Variants in ERG observed in about 807,000 individuals in gnomAD.
ERG encodes transcriptional regulator ERG.
A neutral mutation model predicts 55.3 loss-of-function variants in ERG; 9 were observed. The ratio of observed to expected loss-of-function variants is 0.16; its 90% CI spans 0.10 to 0.28. The LOEUF is 0.28. ERG is among the 10% of genes least tolerant of loss of function. The pLI is 1.00. For synonymous variants in ERG, 223 were observed against 237.3 expected, an observed-to-expected ratio of 0.94 and a Z score of 0.55; for missense variants, 434 against 631.6, an observed-to-expected ratio of 0.69 and a Z score of 3.35.
intron 2 of ERG, among the ~76,000 whole-genome samples, chr21:38,528,159 T>C (rs555915490): frequency 6.6e-6 from 1 of 152,202 alleles, no homozygotes; most frequent in African/African-American, 2.4e-5. Context: ...TCTCCTCATA[T>C]ACCTGTCTGT....
At chr21:38,621,937 G>A (rs1212769322) in intron 1 of ERG, among the ~76,000 whole-genome samples, 1 of 152,180 alleles carries the variant, frequency 6.6e-6, no homozygotes, top group African/African-American at 2.4e-5. Flanking sequence ...CACAAGGTGC[G>A]AAGTTACAGG....
chr21:38,422,583 CTGT>C (rs1440447700), intron 3 of ERG, among the ~76,000 whole-genome samples: 4 of 152,198 alleles, frequency 2.6e-5, no homozygotes, highest in Non-Finnish European at 5.9e-5. Flanking sequence ...GTGACTGTTG[CTGT>C]TGTTCTTATA....
intron 2 of ERG, among the ~76,000 whole-genome samples, chr21:38,507,460 A>C (rs2059471540): frequency 6.6e-6 from 1 of 152,262 alleles, no homozygotes; most frequent in South Asian, 2.1e-4. Flanking sequence ...CCCAGTGCTG[A>C]CACTGGGAGG....
intron 2 of ERG, among the ~76,000 whole-genome samples, chr21:38,550,325 AT>A (rs543940390): frequency 8.1e-4 from 124 of 152,260 alleles, no homozygotes; most frequent in African/African-American, 2.7e-3. Flanking sequence ...ATGGAGGCCC[AT>A]GAGATGTGTT....
chr21:38,452,958 T>C (rs747768698), intron 1 of ERG, among the ~76,000 whole-genome samples: 49 of 152,370 alleles, frequency 3.2e-4, no homozygotes, highest in Non-Finnish European at 6.3e-4. Flanking sequence ...TTGGTGTTCA[T>C]ATTAGCCCTA....
intron 1 of ERG, among the ~76,000 whole-genome samples, chr21:38,493,664 G>C (rs1389482576): frequency 6.6e-6 from 1 of 152,216 alleles, no homozygotes; most frequent in Admixed American, 6.5e-5. Context: ...CCCTCCTCCA[G>C]CAGCCTCGGC....
At chr21:38,602,260 T>C (rs8129444) in intron 1 of ERG, among the ~76,000 whole-genome samples, 11,185 of 151,780 alleles carry the variant, frequency 0.074, 786 homozygotes, top group African/African-American at 0.18. Context: ...CTGGCTAACA[T>C]GGTGAAACCC....
chr21:38,613,827 C>A (rs73908324), intron 1 of ERG, among the ~76,000 whole-genome samples: 12,613 of 152,158 alleles, frequency 0.083, 1,081 homozygotes, highest in African/African-American at 0.22. Flanking sequence ...GAAGGGGACC[C>A]CCCCAATACC....
intron 1 of ERG, among the ~76,000 whole-genome samples, chr21:38,457,547 CAG>C (rs1406112625): frequency 9.2e-5 from 14 of 152,216 alleles, no homozygotes. Flanking sequence ...GACGTGTACA[CAG>C]AGTCTAAACC....
At chr21:38,451,734 C>T (rs1025182017) in intron 1 of ERG, among the ~76,000 whole-genome samples, 4 of 152,194 alleles carry the variant, frequency 2.6e-5, no homozygotes, top group African/African-American at 9.7e-5. Context: ...TGCTCTCCCA[C>T]CATAAGCCTG....
intron 2 of ERG, among the ~76,000 whole-genome samples, chr21:38,438,514 T>C (rs907696972): frequency 6.6e-6 from 1 of 152,200 alleles, no homozygotes; most frequent in Non-Finnish European, 1.5e-5. Flanking sequence ...CTCCATCACA[T>C]GACAAATGGC....
At chr21:38,589,580 G>C (rs999100898), upstream of ERG, among the ~76,000 whole-genome samples, 4 of 152,150 alleles carry the variant, frequency 2.6e-5, no homozygotes, top group African/African-American at 9.7e-5. Flanking sequence ...TAACACTCGG[G>C]GAAGCGAGCT....
chr21:38,400,686 T>C (rs376554076), intron 5 of ERG, 41 bp from the exon 6 acceptor site: 1 of 1,512,192 alleles, frequency 6.6e-7, no homozygotes, highest in Non-Finnish European at 9.1e-7. Context: ...AGGTCTTTTG[T>C]TGTGGTTGTC....
intron 2 of ERG, among the ~76,000 whole-genome samples, chr21:38,569,946 A>T (rs1165795789): frequency 1.3e-5 from 2 of 152,154 alleles, no homozygotes; most frequent in Non-Finnish European, 2.9e-5. Flanking sequence ...ACTGCTGTAT[A>T]GTACTCCATT....
intron 1 of ERG, among the ~76,000 whole-genome samples, chr21:38,603,404 A>C (rs2060176616): frequency 6.6e-6 from 1 of 151,978 alleles, no homozygotes; most frequent in African/African-American, 2.4e-5. Context: ...GCAGATCACA[A>C]GGTCAAGAGA....
intron 1 of ERG, among the ~76,000 whole-genome samples, chr21:38,459,824 C>T (rs2059024456): frequency 6.6e-6 from 1 of 152,208 alleles, no homozygotes; most frequent in African/African-American, 2.4e-5. Flanking sequence ...GACCCAAAAC[C>T]ACAAAGACAC....
At chr21:38,484,236 A>AT (rs1251620933) in intron 1 of ERG, among the ~76,000 whole-genome samples, 12 of 152,158 alleles carry the variant, frequency 7.9e-5, no homozygotes, top group Non-Finnish European at 1.3e-4. Context: ...AAGTGCTGCA[A>AT]TTACATGTGT....
At chr21:38,401,701 T>A (rs1268728348) in intron 5 of ERG, among the ~76,000 whole-genome samples, 1 of 152,020 alleles carries the variant, frequency 6.6e-6, no homozygotes, top group Non-Finnish European at 1.5e-5. Flanking sequence ...TTGTGGAGGG[T>A]CCCTGCAGCT....
intron 2 of ERG, among the ~76,000 whole-genome samples, chr21:38,516,951 A>G (rs938242634): frequency 1.3e-5 from 2 of 152,168 alleles, no homozygotes; most frequent in Non-Finnish European, 2.9e-5. Flanking sequence ...CTCTTGCCAT[A>G]TATAAAAATC....
Sources: gnomAD v4.1 joint callset for allele counts (sites outside exome capture counted in the v4.1 genomes callset) on GRCh38, gnomAD v4.1.1 for gene constraint, MANE v1.5 for transcripts, NCBI Gene and HGNC (gene_info 2026-07-23, HGNC 2026-07-21) for gene names.